Variants in SDK1 observed in about 807,000 individuals in gnomAD.
The protein encoded by SDK1 is protein sidekick-1.
Under a neutral mutation model 245.5 loss-of-function variants are expected in SDK1, and 157 were observed. That is an observed-to-expected ratio of 0.64 (90% CI 0.56 to 0.73). The LOEUF (loss-of-function observed/expected upper bound fraction) is 0.73. Ranked by LOEUF, SDK1 falls within the 30% of genes least tolerant of loss-of-function variation. The pLI is 0.00. For missense variants in SDK1, 3,583 were observed against 3,002.3 expected (o/e 1.19, Z -4.52); for synonymous variants, 1,647 against 1,278.5 (o/e 1.29, Z -6.15).
At chr7:3,892,189 C>T (rs1198374500) in intron 5 of SDK1, among the ~76,000 whole-genome samples, 4 of 152,230 alleles carry the variant, frequency 2.6e-5, no homozygotes, top group African/African-American at 9.6e-5. Flanking sequence ...AGCCCTACTT[C>T]TGTGTACCAA....
intron 1 of SDK1, among the ~76,000 whole-genome samples, chr7:3,531,637 T>A (rs1783347832): frequency 6.6e-6 from 1 of 152,198 alleles, no homozygotes; most frequent in Non-Finnish European, 1.5e-5. Flanking sequence ...CTATCAGCCA[T>A]ACTATTTTCT....
Position 4,079,481 on chromosome 7 carries a change from C to A in SDK1, c.3221C>A (p.Ser1074Tyr). 6.2e-7 allele frequency: 1 copy of A among 1,614,262 alleles called. No individual in the cohort carries two copies. The highest frequency in any genetic ancestry group is 8.5e-7 in the Non-Finnish European group (1 of 1,180,042). ...GVPPDLPGAP[S>Y]NLVISNISPR... is the part of the protein sequence containing the mutation. Reference sequence around the variant, plus strand: ...TCTCTAGACCTTCCTGGTGCCCCATCCAACCTGGTCATTTCCAACATCAGC... The same window carrying A: ...TCTCTAGACCTTCCTGGTGCCCCATACAACCTGGTCATTTCCAACATCAGC... Residue 1074 changes from serine (S) to tyrosine (Y), a missense_variant, in exon 22 of 45, where the codon TCC (serine) becomes TAC (tyrosine). Coordinates refer to ENST00000404826, the MANE Select transcript of SDK1 (RefSeq NM_152744.4).
chr7:3,504,951 A>G (rs551551892), intron 1 of SDK1, among the ~76,000 whole-genome samples: 1 of 152,320 alleles, frequency 6.6e-6, no homozygotes, highest in East Asian at 1.9e-4. Flanking sequence ...TGCAAAAACT[A>G]GTTTCCAAAT....
chr7:3,734,492 T>A (rs1055594430), intron 4 of SDK1, among the ~76,000 whole-genome samples: 3 of 152,254 alleles, frequency 2.0e-5, no homozygotes, highest in African/African-American at 7.2e-5. Flanking sequence ...GGATGTACTT[T>A]AGTATTTGTC....
intron 1 of SDK1, among the ~76,000 whole-genome samples, chr7:3,466,752 T>C (rs777039192): frequency 1.3e-5 from 2 of 151,880 alleles, no homozygotes; most frequent in African/African-American, 2.4e-5. Flanking sequence ...AAGAGGATTA[T>C]GCAAAGTATC....
At chr7:3,856,777 G>C (rs908342673) in intron 5 of SDK1, among the ~76,000 whole-genome samples, 2 of 152,080 alleles carry the variant, frequency 1.3e-5, no homozygotes, top group Admixed American at 6.6e-5. Context: ...GGCAACAAGA[G>C]CGAAACTCCA....
chr7:4,251,551 C>T (rs1478378288), intron 44 of SDK1, among the ~76,000 whole-genome samples: 1 of 152,176 alleles, frequency 6.6e-6, no homozygotes, highest in Non-Finnish European at 1.5e-5. Flanking sequence ...ACTCACTGCC[C>T]AGGGTTTTTA....
intron 4 of SDK1, among the ~76,000 whole-genome samples, chr7:3,703,470 G>T (rs1439911818): frequency 1.3e-5 from 2 of 152,196 alleles, no homozygotes; most frequent in African/African-American, 4.8e-5. Context: ...GGGAGGATTA[G>T]ATGTGTCTAT....
intron 1 of SDK1, among the ~76,000 whole-genome samples, chr7:3,475,431 C>T (rs914837726): frequency 5.3e-5 from 8 of 152,234 alleles, no homozygotes; most frequent in South Asian, 2.1e-4. Context: ...GCAGCGTTTC[C>T]ACCCTTGGAG....
intron 1 of SDK1, among the ~76,000 whole-genome samples, chr7:3,562,440 C>G (rs1341397291): frequency 1.3e-5 from 2 of 152,124 alleles, no homozygotes; most frequent in Non-Finnish European, 2.9e-5. Flanking sequence ...ACCATGTTAG[C>G]TATTGAGAAA....
chr7:3,407,908 T>C (rs1049957964), intron 1 of SDK1, among the ~76,000 whole-genome samples: 4 of 152,106 alleles, frequency 2.6e-5, no homozygotes, highest in Non-Finnish European at 5.9e-5. Flanking sequence ...GAGGGAAATA[T>C]AGCCCTGCTC....
intron 4 of SDK1, among the ~76,000 whole-genome samples, chr7:3,771,628 T>C (rs754502191): frequency 6.6e-6 from 1 of 152,202 alleles, no homozygotes; most frequent in Non-Finnish European, 1.5e-5. Flanking sequence ...GGAAAGAATA[T>C]GCTTTGTCTT....
At chr7:3,537,812 T>C (rs1327099133) in intron 1 of SDK1, among the ~76,000 whole-genome samples, 1 of 152,148 alleles carries the variant, frequency 6.6e-6, no homozygotes, top group East Asian at 1.9e-4. Flanking sequence ...GCCTAGAAGG[T>C]GATAGCCTGG....
At chr7:3,759,729 C>G (rs1174784533) in intron 4 of SDK1, among the ~76,000 whole-genome samples, 2 of 151,868 alleles carry the variant, frequency 1.3e-5, no homozygotes, top group African/African-American at 4.8e-5. Flanking sequence ...GTAGCTGGGA[C>G]TACAGGGGCA....
intron 44 of SDK1, among the ~76,000 whole-genome samples, chr7:4,263,353 G>C (rs963318403): frequency 2.6e-5 from 4 of 151,332 alleles, no homozygotes; most frequent in Non-Finnish European, 5.9e-5. Flanking sequence ...TGGGGCCTGT[G>C]TGGGGAGGCT....
intron 10 of SDK1, 52 bp downstream of exon 10, chr7:3,967,486 A>G (rs750364731): frequency 5.8e-5 from 63 of 1,091,250 alleles, no homozygotes; most frequent in East Asian, 1.2e-4. Context: ...AACATAACCT[A>G]TCGGGCCAGT....
chr7:3,792,768 TCCCATCCA>T (rs986146624), intron 4 of SDK1, among the ~76,000 whole-genome samples: 12 of 151,836 alleles, frequency 7.9e-5, no homozygotes, highest in Non-Finnish European at 1.6e-4. Context: ...CCCTCCAGTC[TCCCATCCA>T]CCCATCCATC....
intron 4 of SDK1, among the ~76,000 whole-genome samples, chr7:3,672,770 TATATATATATATATATATATATATAA>T (rs1313667245): frequency 2.3e-5 from 2 of 88,872 alleles, no homozygotes; most frequent in African/African-American, 4.1e-5. Flanking sequence ...TATATATATA[TATATATATATATATATATATATATAA>T]AAAATACAGA....
At chr7:3,368,133 T>C (rs1781137068) in intron 1 of SDK1, among the ~76,000 whole-genome samples, 1 of 152,224 alleles carries the variant, frequency 6.6e-6, no homozygotes, top group Admixed American at 6.5e-5. Flanking sequence ...AAATTAGTCC[T>C]AGTAATAATG....
Sources: allele counts gnomAD v4.1 joint callset (sites outside exome capture counted in the v4.1 genomes callset), GRCh38; gene constraint gnomAD v4.1.1; transcripts MANE v1.5; gene names NCBI Gene and HGNC (gene_info 2026-07-23, HGNC 2026-07-21).